LHFPL6: variants seen among roughly 807,000 people sequenced by gnomAD.
The protein encoded by LHFPL6 is LHFPL tetraspan subfamily member 6 protein.
Under a neutral mutation model 20.6 loss-of-function variants are expected in LHFPL6, and 9 were observed. That is an observed-to-expected ratio of 0.44 (90% CI 0.26 to 0.76). The LOEUF (loss-of-function observed/expected upper bound fraction) is 0.76. Ranked by LOEUF, LHFPL6 falls within the 30% of genes least tolerant of loss-of-function variation. LHFPL6 has a pLI of 0.20. For missense variants in LHFPL6, 218 were observed against 253.5 expected (o/e 0.86, Z 0.95); for synonymous variants, 105 against 98.7 (o/e 1.06, Z -0.38).
At chr13:39,589,644 A>C (rs1163478108) in intron 2 of LHFPL6, among the ~76,000 whole-genome samples, 1 of 152,204 alleles carries the variant, frequency 6.6e-6, no homozygotes, top group African/African-American at 2.4e-5. Flanking sequence ...TTTTAAAGAC[A>C]GACACAAAGC....
intron 2 of LHFPL6, among the ~76,000 whole-genome samples, chr13:39,502,755 T>C (rs1350512763): frequency 6.6e-6 from 1 of 152,230 alleles, no homozygotes; most frequent in Non-Finnish European, 1.5e-5. Flanking sequence ...AGACCATTTG[T>C]GGAACTCCCA....
intron 2 of LHFPL6, among the ~76,000 whole-genome samples, chr13:39,393,048 T>C (rs1438307880): frequency 1.3e-5 from 2 of 152,196 alleles, no homozygotes; most frequent in Non-Finnish European, 2.9e-5. Flanking sequence ...CTGGAGGTGA[T>C]TTAATGTATA....
chr13:39,488,300 T>C lies in LHFPL6; in HGVS notation c.386-109774A>G, dbSNP rs566029803. On this transcript the variant is annotated intron_variant, in intron 2 of 3. Coordinates refer to ENST00000379589, the MANE Select transcript of LHFPL6 (RefSeq NM_005780.3). ...TGTTTATAAGCCACCCAGTTTAAGA[T>C]ATTTTTGTTATAGCAATCCAAATGG... Among the ~76,000 whole-genome samples, 262 of 152,314 alleles carry C rather than the reference T, an allele frequency of 1.7e-3. 1 individual carries two copies. The highest frequency in any genetic ancestry group is 2.9e-3 in the Non-Finnish European group (196 of 68,030).
intron 2 of LHFPL6, among the ~76,000 whole-genome samples, chr13:39,457,867 T>C (rs1025159923): frequency 1.3e-5 from 2 of 152,132 alleles, no homozygotes; most frequent in African/African-American, 4.8e-5. Flanking sequence ...CCACTGCCTG[T>C]TCATATAGAA....
chr13:39,571,783 T>G (rs1444832228), intron 2 of LHFPL6, among the ~76,000 whole-genome samples: 23 of 152,242 alleles, frequency 1.5e-4, no homozygotes, highest in Admixed American at 1.5e-3. Flanking sequence ...TCTCTGGGGC[T>G]TTGGGGTCAT....
chr13:39,479,284 G>A (rs1245509126), intron 2 of LHFPL6, among the ~76,000 whole-genome samples: 1 of 152,112 alleles, frequency 6.6e-6, no homozygotes, highest in Non-Finnish European at 1.5e-5. Context: ...TGGAGTAAGT[G>A]ACAGGAAATA....
intron 2 of LHFPL6, among the ~76,000 whole-genome samples, chr13:39,444,528 A>G (rs1042469321): frequency 6.6e-6 from 1 of 152,180 alleles, no homozygotes; most frequent in Admixed American, 6.6e-5. Flanking sequence ...ACAAGACCTC[A>G]ACATTCGCTG....
At chr13:39,424,825 TA>T (rs1871595127) in intron 2 of LHFPL6, among the ~76,000 whole-genome samples, 1 of 152,144 alleles carries the variant, frequency 6.6e-6, no homozygotes, top group East Asian at 1.9e-4. Context: ...GTCTTAAAAG[TA>T]ATAGGGCAAA....
chr13:39,472,551 G>A (rs1462797308), intron 2 of LHFPL6, among the ~76,000 whole-genome samples: 2 of 151,786 alleles, frequency 1.3e-5, no homozygotes, highest in Non-Finnish European at 2.9e-5. Context: ...GTGAGAGCAG[G>A]GACTTTCCCT....
At position 39,479,911 on chromosome 13, in the gene LHFPL6, G is replaced by A. The variant is rs373230868; in HGVS notation, c.386-101385C>T. 3.9e-5 allele frequency among the ~76,000 whole-genome samples: 6 copies of A among 152,258 alleles called. No individual in the cohort carries two copies. In the East Asian group the frequency reaches 5.8e-4, roughly 15 times the overall value. ...AAGTGCCAGGGCCGGGTGTACCCCC[G>A]AACAGCCAAGAAACCAGTAACCTGA... On this transcript the variant is annotated intron_variant, in intron 2 of 3. Coordinates refer to ENST00000379589, the MANE Select transcript of LHFPL6 (RefSeq NM_005780.3).
At chr13:39,428,525 T>C (rs950812222) in intron 2 of LHFPL6, among the ~76,000 whole-genome samples, 10 of 152,194 alleles carry the variant, frequency 6.6e-5, no homozygotes, top group Non-Finnish European at 1.0e-4. Flanking sequence ...TTGTAATCTA[T>C]AGCATCTTTA....
chr13:39,488,871 T>C (rs563567797), intron 2 of LHFPL6, among the ~76,000 whole-genome samples: 1 of 139,980 alleles, frequency 7.1e-6, no homozygotes, highest in East Asian at 4.2e-4. Flanking sequence ...AACCACCTCT[T>C]GGATTCAACC....
rs549319292 is a variant in LHFPL6, at chr13:39,387,845, T to A, written c.386-9319A>T. ...GTAGAAGATCAAGCCAGATTTCCAG[T>A]CACCATTTGTCTAAGAATGACACTG... On this transcript the variant is annotated intron_variant, in intron 2 of 3. Coordinates refer to ENST00000379589, the MANE Select transcript of LHFPL6 (RefSeq NM_005780.3). 4.1e-4 allele frequency among the ~76,000 whole-genome samples: 63 copies of A among 152,276 alleles called. No individual in the cohort carries two copies. In the South Asian group the frequency reaches 0.012, roughly 29 times the overall value.
At chr13:39,530,176 G>A (rs1870419254) in intron 2 of LHFPL6, among the ~76,000 whole-genome samples, 1 of 151,542 alleles carries the variant, frequency 6.6e-6, no homozygotes, top group African/African-American at 2.4e-5. Context: ...CAGCTACTCA[G>A]GAGGCTTAAA....
At chr13:39,569,148 T>TGGATGGACGGACGGACGGACGGACGGAC (rs71080313) in intron 2 of LHFPL6, among the ~76,000 whole-genome samples, 5,040 of 143,914 alleles carry the variant, frequency 0.035, 149 homozygotes, top group African/African-American at 0.081. Flanking sequence ...GATGGATGGA[T>TGGATGGACGGACGGACGGACGGACGGAC]GGACGGACGG....
At chr13:39,560,504 CTT>C (rs376446144) in intron 2 of LHFPL6, among the ~76,000 whole-genome samples, 3 of 118,172 alleles carry the variant, frequency 2.5e-5, no homozygotes, top group African/African-American at 9.3e-5. Context: ...TGCAAATTCT[CTT>C]TTTTTTTTTT....
intron 2 of LHFPL6, among the ~76,000 whole-genome samples, chr13:39,505,862 T>C (rs1364868123): frequency 6.6e-6 from 1 of 152,238 alleles, no homozygotes; most frequent in Non-Finnish European, 1.5e-5. Flanking sequence ...ACATTTTGTC[T>C]ATATTACAAA....
chr13:39,506,458 G>A (rs1466675920), intron 2 of LHFPL6, among the ~76,000 whole-genome samples: 2 of 152,220 alleles, frequency 1.3e-5, no homozygotes, highest in African/African-American at 4.8e-5. Context: ...CTTCTGAGCA[G>A]TGGAAACCAA....
chr13:39,464,344 A>C (rs1464203347), intron 2 of LHFPL6, among the ~76,000 whole-genome samples: 1 of 152,202 alleles, frequency 6.6e-6, no homozygotes, highest in Non-Finnish European at 1.5e-5. Context: ...CCTATATAAA[A>C]CAGCAAAGGA....
Sources: gnomAD v4.1 joint callset for allele counts (sites outside exome capture counted in the v4.1 genomes callset) on GRCh38, gnomAD v4.1.1 for gene constraint, MANE v1.5 for transcripts, NCBI Gene and HGNC (gene_info 2026-07-23, HGNC 2026-07-21) for gene names.